ELMOD3: variants seen among roughly 807,000 people sequenced by gnomAD.
ELMOD3 encodes the protein ELMO domain containing 3.
Under a neutral mutation model 47.4 loss-of-function variants are expected in ELMOD3, and 36 were observed. The observed-to-expected ratio is 0.76, with a 90% confidence interval of 0.58 to 1.00. The LOEUF (loss-of-function observed/expected upper bound fraction) is 1.00, where lower values mean the gene tolerates loss of function less well. Among genes scored for constraint, ELMOD3 ranks in the 50% least tolerant of loss-of-function variants. ELMOD3 has a pLI of 0.00. For missense variants in ELMOD3, 404 were observed against 463.8 expected (o/e 0.87, Z 1.18); for synonymous variants, 149 against 183.5 (o/e 0.81, Z 1.52).
At chr2:85,368,258 C>G (rs1573103778) in intron 6 of ELMOD3, 4 of 173,356 alleles carry the variant, frequency 2.3e-5, no homozygotes, top group East Asian at 3.2e-4. Flanking sequence ...AGGAGAGGAT[C>G]AGAGGGTGTT....
At chr2:85,381,934 G>A (rs916127419) in intron 11 of ELMOD3, among the ~76,000 whole-genome samples, 8 of 151,776 alleles carry the variant, frequency 5.3e-5, no homozygotes, top group East Asian at 3.9e-4. Context: ...TGGCCAACAC[G>A]GTGAAACCCC....
At chr2:85,387,987 T>C (rs1468601459) in intron 11 of ELMOD3, among the ~76,000 whole-genome samples, 2 of 152,098 alleles carry the variant, frequency 1.3e-5, no homozygotes, top group African/African-American at 4.8e-5. Context: ...ACGTATAAAA[T>C]GTCACCAATC....
intron 11 of ELMOD3, among the ~76,000 whole-genome samples, chr2:85,386,257 G>A (rs1161919314): frequency 6.6e-6 from 1 of 151,788 alleles, no homozygotes; most frequent in East Asian, 1.9e-4. Flanking sequence ...CCTCTGCTGT[G>A]TTTTAGTCAG....
chr2:85,373,919 C>CTTTTTTTT (rs769671833), intron 10 of ELMOD3, among the ~76,000 whole-genome samples: 1 of 124,582 alleles, frequency 8.0e-6, no homozygotes, highest in Non-Finnish European at 1.7e-5. Context: ...TCCTAACCCT[C>CTTTTTTTT]TTTTTTTTTT....
intron 4 of ELMOD3, among the ~76,000 whole-genome samples, chr2:85,360,266 C>CA (rs753285939): frequency 0.37 from 18,964 of 51,042 alleles, 2,949 homozygotes; most frequent in Non-Finnish European, 0.42. Context: ...AACTCCATCT[C>CA]AAAAAAAAAA....
intron 4 of ELMOD3, among the ~76,000 whole-genome samples, chr2:85,360,148 C>T (rs962212425): frequency 1.3e-5 from 2 of 151,800 alleles, no homozygotes; most frequent in Non-Finnish European, 2.9e-5. Context: ...TGCCTGTAAT[C>T]CCAGCTACTC....
At chr2:85,390,730 C>A in intron 13 of ELMOD3, 30 bp from the exon 14 acceptor site, 1 of 1,548,314 alleles carries the variant, frequency 6.5e-7, no homozygotes, top group Non-Finnish European at 8.7e-7. Context: ...CCCCCTCAAG[C>A]CTTCTGCTCC....
intron 6 of ELMOD3, among the ~76,000 whole-genome samples, chr2:85,365,797 G>A (rs530671219): frequency 1.3e-5 from 2 of 152,274 alleles, no homozygotes; most frequent in East Asian, 1.9e-4. Flanking sequence ...CTGTTTGTAG[G>A]CGAGGGTGTA....
intron 10 of ELMOD3, 135 bp from the exon 11 acceptor site, chr2:85,377,209 T>A (rs1025756786): frequency 2.6e-6 from 2 of 765,290 alleles, no homozygotes; most frequent in African/African-American, 3.6e-5. Flanking sequence ...GCCCCACAAG[T>A]GTGGCAGAAA....
rs191022254 is a variant in ELMOD3, at chr2:85,388,941, C to T, written c.739-810C>T. ...GGAATGCACTGGTCTATGTGTTCCTCTCACTGGGTGTCCTTGTGTATGTGC... is the reference window on the plus strand; with the variant it reads ...GGAATGCACTGGTCTATGTGTTCCTTTCACTGGGTGTCCTTGTGTATGTGC... On this transcript the variant is annotated intron_variant, in intron 11 of 13. Transcript: ENST00000409013. 3.9e-5 allele frequency among the ~76,000 whole-genome samples: 6 copies of T among 152,336 alleles called. No homozygotes were observed. The East Asian group carries it at 1.2e-3, about 29-fold the overall frequency.
chr2:85,369,907 A>C, intron 8 of ELMOD3, 77 bp downstream of exon 8: 1 of 1,554,616 alleles, frequency 6.4e-7, no homozygotes, highest in Non-Finnish European at 8.7e-7. Flanking sequence ...CCACCAGGAC[A>C]GGGCATTGGG....
At chr2:85,375,088 A>G (rs1487287951) in intron 10 of ELMOD3, among the ~76,000 whole-genome samples, 2 of 152,174 alleles carry the variant, frequency 1.3e-5, no homozygotes, top group East Asian at 3.9e-4. Context: ...ATCTCAAAAA[A>G]AAAAAAAATC....
chr2:85,360,811 G>C, intron 4 of ELMOD3: 1 of 274,798 alleles, frequency 3.6e-6, no homozygotes, highest in South Asian at 4.3e-5. Context: ...ATGTTGATCA[G>C]GAAATTCTTT....
intron 10 of ELMOD3, among the ~76,000 whole-genome samples, chr2:85,375,838 T>C (rs754551020): frequency 6.6e-6 from 1 of 152,222 alleles, no homozygotes; most frequent in African/African-American, 2.4e-5. Flanking sequence ...TCCTTGCCTT[T>C]TGCAGCTTCT....
intron 6 of ELMOD3, among the ~76,000 whole-genome samples, chr2:85,364,632 T>C (rs2104528356): frequency 6.6e-6 from 1 of 150,892 alleles, no homozygotes; most frequent in East Asian, 2.0e-4. Context: ...AGGCTGATCC[T>C]CACCTTATCC....
chr2:85,387,287 C>T (rs2104733141), intron 11 of ELMOD3: 4 of 1,048,936 alleles, frequency 3.8e-6, no homozygotes, highest in Non-Finnish European at 4.7e-6. Flanking sequence ...GTGCCTAGTA[C>T]TTTGCACATG....
At chr2:85,366,377 G>A (rs1434519825) in intron 6 of ELMOD3, among the ~76,000 whole-genome samples, 1 of 152,146 alleles carries the variant, frequency 6.6e-6, no homozygotes, top group African/African-American at 2.4e-5. Context: ...TCTTAAAGCT[G>A]TCTTAGGAAC....
chr2:85,359,094 A>G (rs1242937294), intron 4 of ELMOD3, among the ~76,000 whole-genome samples: 1 of 152,188 alleles, frequency 6.6e-6, no homozygotes, highest in African/African-American at 2.4e-5. Context: ...ATTTATGTAA[A>G]TCAGCCCATT....
rs778828513 is a variant in ELMOD3, at chr2:85,362,217, CA to C, written c.87del (p.Tyr30MetfsTer18). On this transcript the variant is annotated frameshift_variant, in exon 5 of 14. Coordinates refer to ENST00000409013, the MANE Select transcript of ELMOD3 (RefSeq NM_001135022.2). LOFTEE classifies it high-confidence loss of function. ...GERLSAGYSP[S>X]YDKDKSVLAF... ...AGATTGTCTGCTGGATATTCTCCATCATATGACAAGGACAAGAGTGTTCTGG... is the reference window on the plus strand; with the variant it reads ...AGATTGTCTGCTGGATATTCTCCATCTATGACAAGGACAAGAGTGTTCTGG... 1.0e-5 allele frequency: 16 copies of C among 1,607,130 alleles called. No homozygotes were observed. The highest frequency in any genetic ancestry group is 1.4e-5 in the Non-Finnish European group (16 of 1,173,658).
Sources: gnomAD v4.1 joint callset for allele counts (sites outside exome capture counted in the v4.1 genomes callset) on GRCh38, gnomAD v4.1.1 for gene constraint, MANE v1.5 for transcripts, NCBI Gene and HGNC (gene_info 2026-07-23, HGNC 2026-07-21) for gene names.